The following HEATR3 variants were observed in gnomAD, a reference collection of about 807,000 sequenced individuals.
The protein encoded by HEATR3 is HEAT repeat containing 3, also known as HEAT repeat-containing protein 3.
A neutral mutation model predicts 72.8 loss-of-function variants in HEATR3; 56 were observed. The ratio of observed to expected loss-of-function variants is 0.77; its 90% CI spans 0.62 to 0.96. HEATR3 has a LOEUF of 0.96. HEATR3 is among the 40% of genes least tolerant of loss of function. HEATR3 has a pLI of 0.00. For missense variants in HEATR3, 747 were observed against 831.4 expected, an observed-to-expected ratio of 0.90 and a Z score of 1.25; for synonymous variants, 331 against 318.1, an observed-to-expected ratio of 1.04 and a Z score of -0.43.
intron 4 of HEATR3, among the ~76,000 whole-genome samples, chr16:50,071,208 G>C (rs1325944265): frequency 6.6e-6 from 1 of 150,754 alleles, no homozygotes; most frequent in Non-Finnish European, 1.5e-5. Context: ...CACATTTCTA[G>C]CAAGACTCTG....
intron 14 of HEATR3, among the ~76,000 whole-genome samples, chr16:50,103,485 C>A (rs538314398): frequency 6.6e-6 from 1 of 152,192 alleles, no homozygotes; most frequent in Non-Finnish European, 1.5e-5. Context: ...CAATCAAGAA[C>A]TTCTCTTGAG....
chr16:50,066,179 T>C lies in HEATR3; in HGVS notation c.48T>C (p.Pro16=). 6.3e-7 allele frequency: 1 copy of C among 1,593,926 alleles called. No individual in the cohort carries two copies. Among genetic ancestry groups the C allele is most frequent in the Non-Finnish European group, 8.5e-7 (1 of 1,171,876 alleles). Residue 16 remains proline (P), a synonymous_variant, in exon 1 of 15, where the codon CCT becomes CCC. Coordinates refer to ENST00000299192, the MANE Select transcript of HEATR3 (RefSeq NM_182922.4). Reference sequence around the variant, plus strand: ...GCTTCAAGCGACCTCAGTTCTCCCCTACGGGCGACTGTCAGGCCGAGGCGG... The same window carrying C: ...GCTTCAAGCGACCTCAGTTCTCCCCCACGGGCGACTGTCAGGCCGAGGCGG... ...TKRFKRPQFS[P]TGDCQAEAAA... is the part of the protein sequence containing the mutation.
At chr16:50,093,743 C>A (rs1447857299) in intron 11 of HEATR3, among the ~76,000 whole-genome samples, 2 of 152,168 alleles carry the variant, frequency 1.3e-5, no homozygotes, top group Admixed American at 1.3e-4. Context: ...AGGAAGAACA[C>A]CCACAGTGAC....
intron 5 of HEATR3, chr16:50,074,261 A>T (rs2150599168): frequency 6.6e-6 from 1 of 152,328 alleles, no homozygotes; most frequent in Non-Finnish European, 1.5e-5. Context: ...GGTCATGATA[A>T]ATTTAAAGGA....
intron 4 of HEATR3, among the ~76,000 whole-genome samples, chr16:50,072,050 A>C (rs2036624350): frequency 6.6e-6 from 1 of 152,196 alleles, no homozygotes; most frequent in Admixed American, 6.5e-5. Flanking sequence ...TTTTCCTTTA[A>C]ATGTGTGTTT....
intron 14 of HEATR3, among the ~76,000 whole-genome samples, chr16:50,103,698 G>A (rs1422118359): frequency 6.6e-6 from 1 of 152,108 alleles, no homozygotes; most frequent in Non-Finnish European, 1.5e-5. Context: ...CTAGACTAGA[G>A]GTGAGATCAA....
chr16:50,087,098 A>G (rs180722686), intron 11 of HEATR3, among the ~76,000 whole-genome samples: 8 of 152,298 alleles, frequency 5.3e-5, no homozygotes, highest in Admixed American at 5.2e-4. Context: ...CCCAGAGTCA[A>G]GTTACTGTTG....
At chr16:50,090,725 C>T (rs994391371) in intron 11 of HEATR3, among the ~76,000 whole-genome samples, 1 of 152,074 alleles carries the variant, frequency 6.6e-6, no homozygotes, top group Non-Finnish European at 1.5e-5. Flanking sequence ...ACATGAGTTC[C>T]GAAATCATTT....
intron 5 of HEATR3, chr16:50,074,340 A>AT (rs61285336): frequency 0.68 from 97,726 of 144,460 alleles, 33,054 homozygotes; most frequent in South Asian, 0.72. Flanking sequence ...TGAGGGTAAA[A>AT]TTTTTTTTTT....
intron 7 of HEATR3, 77 bp downstream of exon 7, chr16:50,079,095 GA>G: frequency 7.0e-7 from 1 of 1,428,628 alleles, no homozygotes; most frequent in Non-Finnish European, 9.4e-7. Context: ...TGGCTTTGCA[GA>G]AAAATGTTAT....
intron 13 of HEATR3, among the ~76,000 whole-genome samples, chr16:50,100,961 C>T (rs2037351825): frequency 6.6e-6 from 1 of 152,164 alleles, no homozygotes; most frequent in South Asian, 2.1e-4. Context: ...AGTAACATTA[C>T]ACTTTGGTGT....
At position 50,066,468 on chromosome 16, in the gene HEATR3, C is replaced by T. The variant is rs1352244135; in HGVS notation, c.240C>T (p.Ala80=). Residue 80 remains alanine, a synonymous_variant, in exon 2 of 15, where the codon GCC becomes GCT. Coordinates refer to ENST00000299192, the MANE Select transcript of HEATR3 (RefSeq NM_182922.4). ...TCCCGGGCCTGGCGCGACGAGACGC[C>T]GTGCGCCGCCTCGGGCCGCTGCTGC... The part of the protein sequence containing the change: ...PALPGLARRD[A]VRRLGPLLLD... 2.2e-6 allele frequency: 3 copies of T among 1,355,088 alleles called. No homozygotes were observed. Among genetic ancestry groups the T allele is most frequent in the African/African-American group, 3.1e-5 (2 of 65,226 alleles). The allele number at this position is 1,355,088 out of a possible 1,614,324, so 83.9% of individuals were successfully genotyped here.
intron 12 of HEATR3, among the ~76,000 whole-genome samples, chr16:50,097,759 TC>T (rs2037275228): frequency 6.6e-6 from 1 of 151,798 alleles, no homozygotes; most frequent in Non-Finnish European, 1.5e-5. Flanking sequence ...TACTGAAAAT[TC>T]AAAAATTAGC....
intron 11 of HEATR3, among the ~76,000 whole-genome samples, chr16:50,091,529 C>T (rs1177538471): frequency 6.6e-6 from 1 of 151,816 alleles, no homozygotes; most frequent in Non-Finnish European, 1.5e-5. Context: ...AGTATAATTA[C>T]TTGTGGGTTG....
chr16:50,066,198 G>A lies in HEATR3; in HGVS notation c.67G>A (p.Glu23Lys), dbSNP rs1447188079. The A allele has an allele frequency of 1.3e-6, 2 of 1,585,576 alleles. No individual in the cohort carries two copies. The highest frequency in any genetic ancestry group is 1.7e-6 in the Non-Finnish European group (2 of 1,167,318). The change falls in exon 1 of 15, where the codon GAG becomes AAG. Residue 23 changes from glutamate to lysine, a missense_variant. Around this residue, in one of 2 missense-constraint regions of HEATR3, gnomAD observed 161 missense variants for 122.6 expected, o/e 1.31. Transcript: ENST00000299192. Reference protein sequence around the residue: ...QFSPTGDCQAEAAAAANGTGG... With the variant: ...QFSPTGDCQAKAAAAANGTGG... The stretch of plus-strand genomic sequence containing the variant: ...CTCCCCTACGGGCGACTGTCAGGCC[G>A]AGGCGGCTGCGGCGGCGAATGGGAC...
At chr16:50,071,794 A>G (rs1309230625) in intron 4 of HEATR3, among the ~76,000 whole-genome samples, 1 of 152,218 alleles carries the variant, frequency 6.6e-6, no homozygotes, top group Non-Finnish European at 1.5e-5. Flanking sequence ...TGTGTATGTT[A>G]TATGTATGGA....
In HEATR3 at chr16:50,066,189, T is replaced by C. The variant is rs909376061; in HGVS notation, c.58T>C (p.Cys20Arg). ...ACCTCAGTTCTCCCCTACGGGCGACTGTCAGGCCGAGGCGGCTGCGGCGGC... is the reference window on the plus strand; with the variant it reads ...ACCTCAGTTCTCCCCTACGGGCGACCGTCAGGCCGAGGCGGCTGCGGCGGC... The part of the protein sequence containing the change: ...KRPQFSPTGD[C>R]QAEAAAAANG... The change falls in exon 1 of 15, where the codon TGT becomes CGT. Residue 20 changes from cysteine to arginine, a missense_variant. Transcript: ENST00000299192. 1 of 1,590,966 alleles carries C rather than the reference T, an allele frequency of 6.3e-7. No homozygotes were observed. The highest frequency in any genetic ancestry group is 2.3e-5 in the East Asian group (1 of 43,728).
intron 11 of HEATR3, among the ~76,000 whole-genome samples, chr16:50,089,417 G>A (rs1597162631): frequency 6.6e-6 from 1 of 152,082 alleles, no homozygotes; most frequent in African/African-American, 2.4e-5. Context: ...CCTTGCCTAT[G>A]TAATGGGTTT....
At chr16:50,069,930 T>C (rs1450513319) in intron 3 of HEATR3, among the ~76,000 whole-genome samples, 1 of 152,262 alleles carries the variant, frequency 6.6e-6, no homozygotes, top group African/African-American at 2.4e-5. Flanking sequence ...TAGAAGGCGC[T>C]ATGTAATAAA....
Sources: gnomAD v4.1 joint callset for allele counts (sites outside exome capture counted in the v4.1 genomes callset) on GRCh38, gnomAD v4.1.1 for gene constraint, gnomAD v4.1.1 regional missense constraint, MANE v1.5 for transcripts, NCBI Gene and HGNC (gene_info 2026-07-23, HGNC 2026-07-21) for gene names.